CSMD2: variants seen among roughly 807,000 people sequenced by gnomAD.
CSMD2 encodes CUB and sushi domain-containing protein 2.
A neutral mutation model predicts 398.5 loss-of-function variants in CSMD2; 130 were observed. The observed-to-expected ratio is 0.33, with a 90% CI of 0.28 to 0.38. CSMD2 has a LOEUF of 0.38. CSMD2 is among the 10% of genes least tolerant of loss of function. CSMD2 has a pLI of 1.00. For missense variants in CSMD2, 3,829 were observed against 4,764.9 expected, an observed-to-expected ratio of 0.80 and a Z score of 5.78; for synonymous variants, 1,828 against 1,908.5, an observed-to-expected ratio of 0.96 and a Z score of 1.10.
At chr1:34,012,949 G>T (rs191421524) in intron 3 of CSMD2, among the ~76,000 whole-genome samples, 1 of 152,094 alleles carries the variant, frequency 6.6e-6, no homozygotes, top group Non-Finnish European at 1.5e-5. Context: ...GTTTTCCTGG[G>T]GTTCCCATCT....
intron 2 of CSMD2, 95 bp from the exon 3 acceptor site, chr1:34,032,801 TG>T: frequency 3.7e-6 from 3 of 800,324 alleles, no homozygotes; most frequent in Non-Finnish European, 6.1e-6. Flanking sequence ...TACACAGTGC[TG>T]ATCTAGGCAC....
chr1:34,102,175 T>C, intron 1 of CSMD2, among the ~76,000 whole-genome samples: 1 of 152,038 alleles, frequency 6.6e-6, no homozygotes, highest in Non-Finnish European at 1.5e-5. Flanking sequence ...GGACTACAGG[T>C]GCCCGCCACC....
intron 67 of CSMD2, among the ~76,000 whole-genome samples, chr1:33,522,234 TCCGC>T (rs1654375813): frequency 6.6e-6 from 1 of 152,132 alleles, no homozygotes. Context: ...CTGTCTGCCC[TCCGC>T]AGCTGTCCCC....
chr1:34,136,829 T>A (rs779909838), intron 1 of CSMD2, among the ~76,000 whole-genome samples: 1 of 152,180 alleles, frequency 6.6e-6, no homozygotes, highest in Non-Finnish European at 1.5e-5. Flanking sequence ...ACTCATCCCA[T>A]GAATCTACTT....
chr1:33,733,307 T>A (rs2149227984), intron 15 of CSMD2, among the ~76,000 whole-genome samples: 1 of 152,262 alleles, frequency 6.6e-6, no homozygotes, highest in East Asian at 1.9e-4. Flanking sequence ...TCCACTGTTT[T>A]GTGGTAGAAT....
rs1230392720 is a variant in CSMD2 at position 33,803,675 on chromosome 1, T to G, written c.1446+7068A>C. On this transcript the variant is annotated intron_variant, in intron 10 of 70. Transcript: ENST00000373381. ...CTCTATCTCCTAAATCTCTCTCATCTGTTTTCCCCTCCACATTTCCAAAGC... is the reference window on the plus strand; with the variant it reads ...CTCTATCTCCTAAATCTCTCTCATCGGTTTTCCCCTCCACATTTCCAAAGC... Among the ~76,000 whole-genome samples, 6 of 152,350 alleles carry G rather than the reference T, an allele frequency of 3.9e-5. No homozygotes were observed. In the East Asian group the frequency reaches 1.2e-3, roughly 29 times the overall value.
intron 1 of CSMD2, among the ~76,000 whole-genome samples, chr1:34,158,901 A>T (rs1641052354): frequency 6.6e-6 from 1 of 152,240 alleles, no homozygotes; most frequent in Non-Finnish European, 1.5e-5. Flanking sequence ...CAAAGCATTT[A>T]ACCAGCACTC....
At chr1:34,077,143 CAG>C (rs1449015661) in intron 2 of CSMD2, among the ~76,000 whole-genome samples, 1 of 151,106 alleles carries the variant, frequency 6.6e-6, no homozygotes, top group Non-Finnish European at 1.5e-5. Flanking sequence ...GAAAGAAGAC[CAG>C]AGTGTTGGAG....
In CSMD2 at chr1:33,612,783, AC is replaced by A. The variant is rs533798896; in HGVS notation, c.6134-1534del. Among the ~76,000 whole-genome samples the A allele has an allele frequency of 3.4e-3, 514 of 151,464 alleles. 1 individual carries two copies. The highest frequency in any genetic ancestry group is 0.012 in the African/African-American group (489 of 41,248). On this transcript the variant is annotated intron_variant, in intron 40 of 70. Transcript: ENST00000373381. ...TGCAAGCTCCGCCTCCCGGGTTCAC[AC>A]CATTCTCCTGCCTCAGCCTCCCAAG...
At chr1:33,922,263 C>A (rs6697504) in intron 4 of CSMD2, among the ~76,000 whole-genome samples, 75,300 of 151,840 alleles carry the variant, frequency 0.5, 19,296 homozygotes, top group African/African-American at 0.62. Flanking sequence ...CTGAACAGAC[C>A]TGTATGGAGC....
At chr1:33,595,171 T>C (rs935166119) in intron 44 of CSMD2, among the ~76,000 whole-genome samples, 40 of 152,268 alleles carry the variant, frequency 2.6e-4, no homozygotes, top group African/African-American at 8.9e-4. Flanking sequence ...TTCATTGTCA[T>C]GTCTCTTTGG....
At chr1:33,520,047 G>T in intron 68 of CSMD2, 97 bp from the exon 69 acceptor site, 6 of 1,424,444 alleles carry the variant, frequency 4.2e-6, no homozygotes, top group Non-Finnish European at 5.8e-6. Flanking sequence ...AAGCAGGGCT[G>T]CCACTCAGGG....
At chr1:34,063,092 C>A (rs9425981) in intron 2 of CSMD2, among the ~76,000 whole-genome samples, 2,315 of 152,158 alleles carry the variant, frequency 0.015, 78 homozygotes, top group African/African-American at 0.053. Flanking sequence ...GGGGAAACCG[C>A]CCCCGTGATT....
intron 10 of CSMD2, among the ~76,000 whole-genome samples, chr1:33,806,126 G>C (rs2124943257): frequency 6.6e-6 from 1 of 152,274 alleles, no homozygotes. Flanking sequence ...CGATACTTCT[G>C]AAAGAGTTGG....
intron 1 of CSMD2, among the ~76,000 whole-genome samples, chr1:34,104,126 T>A (rs1660291300): frequency 6.6e-6 from 1 of 152,232 alleles, no homozygotes. Context: ...TAAGTCCCAG[T>A]CACATCTTGT....
At chr1:33,995,825 G>A (rs78757575) in intron 3 of CSMD2, among the ~76,000 whole-genome samples, 2 of 152,190 alleles carry the variant, frequency 1.3e-5, no homozygotes, top group African/African-American at 2.4e-5. Flanking sequence ...TTCAGTAACC[G>A]GGAGCAGTGG....
chr1:33,542,780 G>A lies in CSMD2; in HGVS notation c.9217C>T (p.Leu3073=). The change falls in exon 58 of 71, where the codon CTG becomes TTG. Residue 3073 remains leucine, a synonymous_variant. Coordinates refer to ENST00000373381, the MANE Select transcript of CSMD2 (RefSeq NM_001281956.2). ...ECREGYYATG[L]LSRHCSVNGT... is the part of the protein sequence containing the mutation. ...TTGACCGAGCAGTGACGGCTGAGCA[G>A]GCCTGTGGCGTAGTATCCTTCCCGG... The A allele has an allele frequency of 6.2e-7, 1 of 1,614,136 alleles. No individual in the cohort carries two copies. The highest frequency in any genetic ancestry group is 8.5e-7 in the Non-Finnish European group (1 of 1,180,026).
chr1:33,646,133 C>T (rs1237562133), intron 29 of CSMD2, among the ~76,000 whole-genome samples: 1 of 152,190 alleles, frequency 6.6e-6, no homozygotes, highest in Admixed American at 6.5e-5. Context: ...CAGAAAGTGA[C>T]CAGTCTATGA....
Position 33,609,025 on chromosome 1 carries a change from A to G in CSMD2, c.6343+2016T>C, listed in dbSNP as rs567253437. Among the ~76,000 whole-genome samples the G allele has an allele frequency of 3.3e-4, 51 of 152,326 alleles. No individual in the cohort carries two copies. In the South Asian group the frequency reaches 4.2e-3, roughly 12 times the overall value. Reference sequence around the variant, plus strand: ...GCGTCATGACCTGTTTGACAGGTACACACCTCCCAGATAATAGGCACAGAC... The same window carrying G: ...GCGTCATGACCTGTTTGACAGGTACGCACCTCCCAGATAATAGGCACAGAC... On this transcript the variant is annotated intron_variant, in intron 41 of 70. Coordinates refer to ENST00000373381, the MANE Select transcript of CSMD2 (RefSeq NM_001281956.2).
Sources: allele counts gnomAD v4.1 joint callset (sites outside exome capture counted in the v4.1 genomes callset), GRCh38; gene constraint gnomAD v4.1.1; transcripts MANE v1.5; gene names NCBI Gene and HGNC (gene_info 2026-07-23, HGNC 2026-07-21).